LEUTX: variants seen among roughly 807,000 people sequenced by gnomAD.
LEUTX encodes the protein leucine twenty homeobox.
LEUTX carries 5 observed loss-of-function variants against 4.5 expected under a neutral mutation model. The ratio of observed to expected loss-of-function variants is 1.11; its 90% CI spans 0.58 to 2.34. The LOEUF (loss-of-function observed/expected upper bound fraction) is 2.34, where lower values mean the gene tolerates loss of function less well. Ranked by LOEUF, LEUTX falls within the 30% of genes most tolerant of loss-of-function variation. LEUTX has a pLI of 0.01. For synonymous variants in LEUTX, 89 were observed against 85.1 expected (o/e 1.05, Z -0.25); for missense variants, 233 against 239.4 (o/e 0.97, Z 0.18).
intron 1 of LEUTX, among the ~76,000 whole-genome samples, chr19:39,779,297 A>C (rs1468244836): frequency 6.6e-6 from 1 of 152,150 alleles, no homozygotes; most frequent in Non-Finnish European, 1.5e-5. Flanking sequence ...TCTGTTGCCT[A>C]AGGTCGTCTT....
intron 2 of LEUTX, among the ~76,000 whole-genome samples, chr19:39,785,338 T>C (rs986596364): frequency 8.6e-5 from 13 of 151,906 alleles, no homozygotes; most frequent in Non-Finnish European, 1.6e-4. Flanking sequence ...CTTGGGAGAC[T>C]GAGATAGGAG....
chr19:39,782,900 G>T (rs997624630), intron 1 of LEUTX, among the ~76,000 whole-genome samples: 1 of 152,064 alleles, frequency 6.6e-6, no homozygotes, highest in Non-Finnish European at 1.5e-5. Context: ...TATTTTCGTA[G>T]GCTATTGGGG....
chr19:39,786,077 TAA>T lies in LEUTX; in HGVS notation c.541_542del (p.Asn181SerfsTer9), dbSNP rs1038281537. The T allele has an allele frequency of 1.3e-6, 2 of 1,549,750 alleles. No individual in the cohort carries two copies. Among genetic ancestry groups the T allele is most frequent in the African/African-American group, 2.7e-5 (2 of 72,868 alleles). On this transcript the variant is annotated frameshift_variant, in exon 3 of 3. Transcript: ENST00000638280. LOFTEE classifies it low-confidence loss of function (END_TRUNC). Reference sequence around the variant, plus strand: ...CCAGGGGAAGATGACACCAGCAGCCTAAATCAATATCTTTTTCCAGTATGCCT... The same window carrying T: ...CCAGGGGAAGATGACACCAGCAGCCTATCAATATCTTTTTCCAGTATGCCT...
chr19:39,776,693 T>C (rs1349916756), upstream of LEUTX: 4 of 455,546 alleles, frequency 8.8e-6, no homozygotes, highest in East Asian at 2.8e-4. Flanking sequence ...GATTTTTTTC[T>C]TTCATTTCTC....
At position 39,785,733 on chromosome 19, in the gene LEUTX, G is replaced by C; in HGVS notation, c.195G>C (p.Arg65Ser). 6.4e-7 allele frequency: 1 copy of C among 1,551,770 alleles called. No homozygotes were observed. The highest frequency in any genetic ancestry group is 8.7e-7 in the Non-Finnish European group (1 of 1,147,000). Residue 65 changes from arginine to serine, a missense_variant, in exon 3 of 3, where the codon AGG becomes AGC. By Grantham distance (110) the Arg-to-Ser change is moderately radical. Coordinates refer to ENST00000638280, the MANE Select transcript of LEUTX (RefSeq NM_001382345.1). The stretch of plus-strand genomic sequence containing the variant: ...AGAACCAGCGTGCCAAATGGAAGAG[G>C]CAGCAGCGGCAGCAAATGCAGACAC... The part of the protein sequence containing the change: ...WFKNQRAKWK[R>S]QQRQQMQTRP...
chr19:39,780,815 G>A (rs7252337), intron 1 of LEUTX, among the ~76,000 whole-genome samples: 3,985 of 151,648 alleles, frequency 0.026, 154 homozygotes, highest in African/African-American at 0.086. Context: ...TTTTATCCGA[G>A]CATATTAATT....
At position 39,784,887 on chromosome 19, in the gene LEUTX, C is replaced by T. The variant is rs78474400; in HGVS notation, c.159+209C>T. ...AGAGCTGTCTTCCAAGCATTATAAA[C>T]ACAAGAGTTGGAATTTGAACCCAGA... On this transcript the variant is annotated intron_variant, in intron 2 of 2. Transcript: ENST00000638280. Among the ~76,000 whole-genome samples, 1,329 of 152,308 alleles carry T rather than the reference C, an allele frequency of 8.7e-3. 21 individuals carry two copies. The highest frequency in any genetic ancestry group is 0.031 in the African/African-American group (1,269 of 41,562).
chr19:39,782,179 AACCTG>A (rs1236165885), intron 1 of LEUTX, among the ~76,000 whole-genome samples: 1 of 152,168 alleles, frequency 6.6e-6, no homozygotes, highest in Admixed American at 6.5e-5. Context: ...GACTCATATA[AACCTG>A]GTGTCAACAT....
rs1369935668 is a variant in LEUTX, at chr19:39,784,612, G to A, written c.93G>A (p.Met31Ile). The change falls in exon 2 of 3, where the codon ATG (methionine) becomes ATA (isoleucine). Residue 31 changes from methionine to isoleucine, a missense_variant. By Grantham distance (10) the Met-to-Ile change is conservative. Transcript: ENST00000638280. ...TALRELLEKT[M>I]HPSLATMGKL... ...TGAGAGAATTGCTTGAAAAGACCAT[G>A]CACCCAAGTTTGGCTACAATGGGGA... is the stretch of plus-strand genomic sequence containing the variant. 6.4e-7 allele frequency: 1 copy of A among 1,550,934 alleles called. No individual in the cohort carries two copies. Among genetic ancestry groups the A allele is most frequent in the Admixed American group, 2.0e-5 (1 of 50,996 alleles).
upstream of LEUTX, among the ~76,000 whole-genome samples, chr19:39,776,866 C>T (rs1237825383): frequency 6.6e-6 from 1 of 152,010 alleles, no homozygotes; most frequent in Non-Finnish European, 1.5e-5. Context: ...GAGCGAGACC[C>T]CATCTCAAAA....
chr19:39,776,649 C>G, upstream of LEUTX: 1 of 456,140 alleles, frequency 2.2e-6, no homozygotes. Context: ...CAGGCGGGCA[C>G]CTGGAATCTC....
intron 1 of LEUTX, among the ~76,000 whole-genome samples, chr19:39,782,286 T>C (rs12972197): frequency 0.19 from 28,352 of 152,162 alleles, 2,651 homozygotes; most frequent in East Asian, 0.27. Flanking sequence ...GTGGGAAGGA[T>C]CCGGTGGGAG....
chr19:39,777,452 C>T (rs770575562), upstream of LEUTX, among the ~76,000 whole-genome samples: 2 of 152,150 alleles, frequency 1.3e-5, no homozygotes, highest in South Asian at 2.1e-4. Context: ...GGTGTTTTAA[C>T]GTTAAGTTCT....
Position 39,785,999 on chromosome 19 carries a change from C to G in LEUTX, c.461C>G (p.Pro154Arg). Residue 154 changes from proline to arginine, a missense_variant, in exon 3 of 3, where the codon CCT becomes CGT. Transcript: ENST00000638280. ...ATATGTCTGGGGGCTTCAAATCCTC[C>G]TTGGGCCTCCACTCTCTTTGAAATA... ...EQICLGASNP[P>R]WASTLFEIDE... 3 of 1,551,758 alleles carry G rather than the reference C, an allele frequency of 1.9e-6. No individual in the cohort carries two copies. The highest frequency in any genetic ancestry group is 2.6e-6 in the Non-Finnish European group (3 of 1,147,014).
intron 1 of LEUTX, among the ~76,000 whole-genome samples, chr19:39,779,722 G>A (rs1401170573): frequency 6.6e-6 from 1 of 152,158 alleles, no homozygotes; most frequent in Non-Finnish European, 1.5e-5. Flanking sequence ...TAGTTTAGAA[G>A]TATATTACTG....
At chr19:39,783,039 C>T (rs1254316150) in intron 1 of LEUTX, among the ~76,000 whole-genome samples, 2 of 151,744 alleles carry the variant, frequency 1.3e-5, no homozygotes, top group Non-Finnish European at 2.9e-5. Flanking sequence ...CCTTCCCACC[C>T]TTTCCCCCGA....
intron 1 of LEUTX, among the ~76,000 whole-genome samples, chr19:39,781,822 A>G (rs2144956335): frequency 6.6e-6 from 1 of 152,284 alleles, no homozygotes; most frequent in African/African-American, 2.4e-5. Flanking sequence ...TATAAATGCA[A>G]AATGGACTAA....
At chr19:39,776,561 C>T (rs1305558587), upstream of LEUTX, 3 of 455,580 alleles carry the variant, frequency 6.6e-6, no homozygotes, top group Non-Finnish European at 1.3e-5. Context: ...GGAGGGTGTG[C>T]TCCAAACAAA....
intron 1 of LEUTX, among the ~76,000 whole-genome samples, chr19:39,780,459 G>A (rs1023629908): frequency 2.0e-5 from 3 of 152,064 alleles, no homozygotes; most frequent in Non-Finnish European, 4.4e-5. Context: ...GCTCATCGTG[G>A]AATGTCTTCA....
Sources: allele counts gnomAD v4.1 joint callset (sites outside exome capture counted in the v4.1 genomes callset), GRCh38; gene constraint gnomAD v4.1.1; transcripts MANE v1.5; gene names NCBI Gene and HGNC (gene_info 2026-07-23, HGNC 2026-07-21).